NCALD: variants seen among roughly 807,000 people sequenced by gnomAD.
NCALD encodes neurocalcin delta.
A neutral mutation model predicts 18.6 loss-of-function variants in NCALD; 10 were observed. The observed-to-expected ratio is 0.54, with a 90% CI of 0.33 to 0.91. NCALD has a LOEUF of 0.91. Ranked by LOEUF, NCALD falls within the 40% of genes least tolerant of loss-of-function variation. The pLI, the probability that NCALD is intolerant of heterozygous loss-of-function variation, is 0.03. For synonymous variants in NCALD, 88 were observed against 87.4 expected, an observed-to-expected ratio of 1.01 and a Z score of -0.04; for missense variants, 184 against 247.6, an observed-to-expected ratio of 0.74 and a Z score of 1.72.
chr8:102,018,436 C>A (rs2132092032), intron 2 of NCALD, among the ~76,000 whole-genome samples: 1 of 152,212 alleles, frequency 6.6e-6, no homozygotes, highest in South Asian at 2.1e-4. Context: ...ACCACTGATA[C>A]TTATAACAGC....
chr8:101,830,705 G>A lies in NCALD; in HGVS notation c.-20+56436C>T, dbSNP rs145314953. Among the ~76,000 whole-genome samples, 1,223 of 149,280 alleles carry A rather than the reference G, an allele frequency of 8.2e-3. 6 individuals carry two copies. The highest frequency in any genetic ancestry group is 0.013 in the Non-Finnish European group (866 of 67,412). Reference sequence around the variant, plus strand: ...GGGTTTGCTGTGTGCTTGCACCACTGTTATTACCCTCATTTGCATTTTTGG... The same window carrying A: ...GGGTTTGCTGTGTGCTTGCACCACTATTATTACCCTCATTTGCATTTTTGG... On this transcript the variant is annotated intron_variant, in intron 4 of 6. Transcript: ENST00000311028.
chr8:102,105,926 A>G (rs1266299779), intron 1 of NCALD, among the ~76,000 whole-genome samples: 2 of 152,064 alleles, frequency 1.3e-5, no homozygotes, highest in African/African-American at 4.8e-5. Flanking sequence ...AGATTCCGTG[A>G]GATAATATAC....
At chr8:101,704,905 G>A (rs1458749690) in intron 2 of NCALD, among the ~76,000 whole-genome samples, 2 of 147,728 alleles carry the variant, frequency 1.4e-5, no homozygotes, top group Non-Finnish European at 3.0e-5. Context: ...GGCGACAAGA[G>A]CGAAAACTCC....
chr8:101,969,421 T>C (rs1297022545), intron 2 of NCALD, among the ~76,000 whole-genome samples: 2 of 152,260 alleles, frequency 1.3e-5, no homozygotes, highest in Admixed American at 6.5e-5. Context: ...TTCGTAATGA[T>C]GATACTGTTA....
intron 1 of NCALD, among the ~76,000 whole-genome samples, chr8:102,045,956 G>A (rs1026051981): frequency 1.4e-4 from 21 of 152,246 alleles, no homozygotes; most frequent in African/African-American, 4.6e-4. Context: ...CACTGAGCTC[G>A]AAACTGAATG....
At chr8:102,080,399 T>C (rs563611165) in intron 1 of NCALD, among the ~76,000 whole-genome samples, 13 of 152,200 alleles carry the variant, frequency 8.5e-5, no homozygotes, top group Non-Finnish European at 1.8e-4. Context: ...TTTTTTCAGA[T>C]AGCACAAAGG....
chr8:102,119,540 C>T lies in NCALD; in HGVS notation c.-210+4697G>A, dbSNP rs143286852. 1.1e-4 allele frequency among the ~76,000 whole-genome samples: 17 copies of T among 152,238 alleles called. No individual in the cohort carries two copies. The East Asian group carries it at 2.3e-3, about 21-fold the overall frequency. On this transcript the variant is annotated intron_variant, in intron 1 of 6. Transcript: ENST00000311028. The stretch of plus-strand genomic sequence containing the variant: ...ATGTATTTAAAGCCACTGAACTGTA[C>T]GTTTAAGAATGGTTAAAATGGTCAA...
intron 1 of NCALD, among the ~76,000 whole-genome samples, chr8:102,118,310 A>G (rs1377836596): frequency 1.3e-5 from 2 of 152,108 alleles, no homozygotes; most frequent in Non-Finnish European, 2.9e-5. Flanking sequence ...CTCTCACCTC[A>G]TGCTGTCAGG....
rs201608205 is a variant in NCALD, at chr8:101,719,639, A to C, written c.-10T>G. 31 of 1,559,104 alleles carry C rather than the reference A, an allele frequency of 2.0e-5. No homozygotes were observed. The highest frequency in any genetic ancestry group is 2.7e-5 in the Non-Finnish European group (31 of 1,156,584). On this transcript the variant is annotated 5_prime_UTR_variant, in exon 2 of 4. Coordinates refer to ENST00000220931, the MANE Select transcript of NCALD (RefSeq NM_032041.3). Reference sequence around the variant, plus strand: ...TGTTCTGTTTCCCCATCCTGGCGGCAAGAATTCAGCTGCAGATAGAAAAGA... The same window carrying C: ...TGTTCTGTTTCCCCATCCTGGCGGCCAGAATTCAGCTGCAGATAGAAAAGA...
chr8:101,849,522 TC>T, intron 4 of NCALD, among the ~76,000 whole-genome samples: 1 of 152,246 alleles, frequency 6.6e-6, no homozygotes, highest in South Asian at 2.1e-4. Context: ...TTTCCATTAT[TC>T]CTAATGTCAC....
intron 1 of NCALD, among the ~76,000 whole-genome samples, chr8:102,063,346 C>A (rs1039879056): frequency 6.6e-6 from 1 of 152,120 alleles, no homozygotes; most frequent in African/African-American, 2.4e-5. Flanking sequence ...GACGCAGATG[C>A]ATTTTTTTAA....
intron 3 of NCALD, among the ~76,000 whole-genome samples, chr8:101,898,272 G>A (rs1444579411): frequency 1.3e-5 from 2 of 152,100 alleles, no homozygotes; most frequent in African/African-American, 2.4e-5. Context: ...GCATTCATTT[G>A]CATTTCCCCA....
At chr8:102,118,431 C>A (rs1460590787) in intron 1 of NCALD, among the ~76,000 whole-genome samples, 1 of 152,262 alleles carries the variant, frequency 6.6e-6, no homozygotes, top group East Asian at 1.9e-4. Context: ...TTACTGCCTT[C>A]TGAGCAGTTC....
intron 2 of NCALD, among the ~76,000 whole-genome samples, chr8:101,926,844 A>C (rs1818352886): frequency 6.6e-6 from 1 of 152,200 alleles, no homozygotes; most frequent in African/African-American, 2.4e-5. Flanking sequence ...AAGTGGCAGT[A>C]GTTTCTGTGG....
Position 102,035,152 on chromosome 8 carries a change from C to G in NCALD, c.-209-14863G>C, listed in dbSNP as rs142637396. Among the ~76,000 whole-genome samples the G allele has an allele frequency of 2.8e-4, 43 of 152,086 alleles. No homozygotes were observed. In the East Asian group the frequency reaches 8.0e-3, roughly 28 times the overall value. On this transcript the variant is annotated intron_variant, in intron 1 of 6. Coordinates refer to the NCALD transcript ENST00000311028. ...CAAGGTCTCGCCCAGTGCATGGGCC[C>G]CACCTTTTTCCTCTTAAATTCAGTA... is the stretch of plus-strand genomic sequence containing the variant.
chr8:101,868,155 G>A (rs1038635343), intron 4 of NCALD, among the ~76,000 whole-genome samples: 1 of 152,120 alleles, frequency 6.6e-6, no homozygotes, highest in African/African-American at 2.4e-5. Context: ...CTGGCTGTTG[G>A]AGGAACACTG....
intron 1 of NCALD, among the ~76,000 whole-genome samples, chr8:102,065,621 G>A (rs635670): frequency 0.48 from 72,722 of 151,970 alleles, 17,734 homozygotes; most frequent in Middle Eastern, 0.55. Context: ...AAACTCCCCA[G>A]GGCTACAGGA....
intron 1 of NCALD, among the ~76,000 whole-genome samples, chr8:102,081,732 A>T (rs1034099469): frequency 6.6e-6 from 1 of 152,228 alleles, no homozygotes; most frequent in Admixed American, 6.5e-5. Context: ...AACACAGAAC[A>T]TCGTTTGATA....
intron 1 of NCALD, among the ~76,000 whole-genome samples, chr8:101,753,565 A>G (rs905758457): frequency 6.6e-6 from 1 of 152,210 alleles, no homozygotes; most frequent in African/African-American, 2.4e-5. Context: ...AGGCAGTTAC[A>G]ATAACTTTAT....
Sources: gnomAD v4.1 joint callset for allele counts (sites outside exome capture counted in the v4.1 genomes callset) on GRCh38, gnomAD v4.1.1 for gene constraint, MANE v1.5 for transcripts, NCBI Gene and HGNC (gene_info 2026-07-23, HGNC 2026-07-21) for gene names.